Variants in RUFY1 observed in about 807,000 individuals in gnomAD.
RUFY1 encodes the protein RUN and FYVE domain-containing protein 1.
In RUFY1, 54 loss-of-function variants were observed where a neutral mutation model predicts 94.6. The observed-to-expected ratio is 0.57, with a 90% CI of 0.46 to 0.72. The LOEUF is 0.72. Among genes scored for constraint, RUFY1 ranks in the 30% least tolerant of loss-of-function variants. RUFY1 has a pLI of 0.00. For synonymous variants in RUFY1, 396 were observed against 347.3 expected (o/e 1.14, Z -1.56); for missense variants, 883 against 883.9 (o/e 1.00, Z 0.01).
At chr5:179,561,103 C>G (rs899383970) in intron 2 of RUFY1, among the ~76,000 whole-genome samples, 2 of 152,010 alleles carry the variant, frequency 1.3e-5, no homozygotes, top group African/African-American at 2.4e-5. Context: ...CCCAGCTACT[C>G]GAGTGGCTGA....
At chr5:179,607,465 CAG>C in intron 16 of RUFY1, 115 bp from the exon 17 acceptor site, 1 of 809,050 alleles carries the variant, frequency 1.2e-6, no homozygotes, top group Non-Finnish European at 2.1e-6. Flanking sequence ...GATGGAGAAA[CAG>C]TGCCTCACTA....
chr5:179,593,937 C>G lies in RUFY1; in HGVS notation c.1413+292C>G, dbSNP rs1461394678. ...CCCAAACTTTGTCCATCCACCTTCA[C>G]TGTCCCTCCACTGTCTGTTTTCTTC... On this transcript the variant is annotated intron_variant, in intron 11 of 17. Coordinates refer to ENST00000319449, the MANE Select transcript of RUFY1 (RefSeq NM_025158.5). Among the ~76,000 whole-genome samples the G allele has an allele frequency of 3.3e-5, 5 of 152,172 alleles. No homozygotes were observed. The East Asian group carries it at 7.7e-4, about 23-fold the overall frequency.
rs372873984 is a variant in RUFY1, at chr5:179,609,548, G to A, written c.*29G>A. 110 of 1,571,500 alleles carry A rather than the reference G, an allele frequency of 7.0e-5. No homozygotes were observed. Among genetic ancestry groups the A allele is most frequent in the Non-Finnish European group, 8.1e-5 (94 of 1,163,422 alleles). On this transcript the variant is annotated 3_prime_UTR_variant, in exon 18 of 18. Coordinates refer to ENST00000319449, the MANE Select transcript of RUFY1 (RefSeq NM_025158.5). ...TCCGTCCTCAGGAGCACAGCCTCAC[G>A]GACAGTGCCAAACCCTGTGGGTCTC...
At chr5:179,559,026 T>C (rs1191546285) in intron 1 of RUFY1, among the ~76,000 whole-genome samples, 1 of 152,218 alleles carries the variant, frequency 6.6e-6, no homozygotes, top group African/African-American at 2.4e-5. Flanking sequence ...TCAGTAGTAA[T>C]TGGACAGCTG....
rs1762509796 is a variant in RUFY1, at chr5:179,562,178, C to A, written c.485-369C>A. On this transcript the variant is annotated intron_variant, in intron 2 of 17. Coordinates refer to ENST00000319449, the MANE Select transcript of RUFY1 (RefSeq NM_025158.5). ...CCTGTTATCCCAGCACTTTGGGAGG[C>A]CGAGGCGGGCAGATCACAAGGTCAG... 2.6e-5 allele frequency among the ~76,000 whole-genome samples: 4 copies of A among 151,940 alleles called. No homozygotes were observed. In the South Asian group the frequency reaches 6.3e-4, roughly 24 times the overall value.
At chr5:179,559,266 C>T (rs1045187468) in intron 1 of RUFY1, among the ~76,000 whole-genome samples, 1 of 152,222 alleles carries the variant, frequency 6.6e-6, no homozygotes, top group African/African-American at 2.4e-5. Context: ...TGCACACAGT[C>T]TTTATTACAC....
rs1376390912 is a variant in RUFY1 at position 179,609,427 on chromosome 5, G to A, written c.2035G>A (p.Glu679Lys). 7 of 1,613,084 alleles carry A rather than the reference G, an allele frequency of 4.3e-6. No homozygotes were observed. Among genetic ancestry groups the A allele is most frequent in the African/African-American group, 2.7e-5 (2 of 74,854 alleles). ...CTTCTGCAACACCTGCTCCAGCAACGAGCTGGCCCTGCCCTCCTACCCCAA... is the reference window on the plus strand; with the variant it reads ...CTTCTGCAACACCTGCTCCAGCAACAAGCTGGCCCTGCCCTCCTACCCCAA... Reference protein sequence around the residue: ...HIFCNTCSSNELALPSYPKPV... With the variant: ...HIFCNTCSSNKLALPSYPKPV... Residue 679 changes from glutamate (E) to lysine (K), a missense_variant, in exon 18 of 18, where the codon GAG (glutamate) becomes AAG (lysine). Transcript: ENST00000319449.
In RUFY1 at chr5:179,609,489, C is replaced by T. The variant is rs752054394; in HGVS notation, c.2097C>T (p.Leu699=). 3.1e-6 allele frequency: 5 copies of T among 1,609,756 alleles called. No homozygotes were observed. Among genetic ancestry groups the T allele is most frequent in the Non-Finnish European group, 4.2e-6 (5 of 1,179,642 alleles). Residue 699 remains leucine, a synonymous_variant, in exon 18 of 18, where the codon CTC becomes CTT. Coordinates refer to ENST00000319449, the MANE Select transcript of RUFY1 (RefSeq NM_025158.5). ...VRVCDSCHTL[L]LQRCSSTAS Reference sequence around the variant, plus strand: ...TGTGCGACAGCTGCCACACCCTGCTCCTGCAGCGCTGCTCCTCCACGGCCT... The same window carrying T: ...TGTGCGACAGCTGCCACACCCTGCTTCTGCAGCGCTGCTCCTCCACGGCCT...
intron 1 of RUFY1, among the ~76,000 whole-genome samples, chr5:179,555,253 T>C (rs1762052985): frequency 6.6e-6 from 1 of 152,096 alleles, no homozygotes; most frequent in Admixed American, 6.5e-5. Flanking sequence ...CGAGAGAGGA[T>C]TGCTTGAGCC....
intron 1 of RUFY1, among the ~76,000 whole-genome samples, chr5:179,552,199 A>G (rs1761899587): frequency 7.0e-6 from 1 of 143,486 alleles, no homozygotes; most frequent in African/African-American, 2.6e-5. Context: ...TTGTTCCTCG[A>G]TTACAGCGGC....
chr5:179,550,782 C>G lies in RUFY1; in HGVS notation c.213C>G (p.Arg71=). ...CGGCGCCCATCCTGACCCTGGCACG[C>G]AGGGCCACCGGGAACCTGTCGGCGA... ...GWSAPILTLA[R]RATGNLSASC... Residue 71 remains arginine (R), a synonymous_variant, in exon 1 of 18, where the codon CGC becomes CGG. Coordinates refer to ENST00000319449, the MANE Select transcript of RUFY1 (RefSeq NM_025158.5). 7.2e-7 allele frequency: 1 copy of G among 1,383,692 alleles called. No individual in the cohort carries two copies. The allele number at this position is 1,383,692 out of a possible 1,614,324, so 85.7% of individuals were successfully genotyped here.
chr5:179,561,171 A>G (rs1223446546), intron 2 of RUFY1, among the ~76,000 whole-genome samples: 4 of 152,136 alleles, frequency 2.6e-5, no homozygotes, highest in African/African-American at 7.2e-5. Flanking sequence ...AGATTGCACC[A>G]TTGCACTCCA....
chr5:179,595,615 G>A (rs184152494), intron 12 of RUFY1, among the ~76,000 whole-genome samples: 10 of 151,054 alleles, frequency 6.6e-5, no homozygotes, highest in Admixed American at 4.6e-4. Context: ...GCAATGGTGC[G>A]ATCTCAGCTC....
At chr5:179,560,569 A>G (rs1456059264) in intron 2 of RUFY1, among the ~76,000 whole-genome samples, 1 of 148,316 alleles carries the variant, frequency 6.7e-6, no homozygotes, top group African/African-American at 2.4e-5. Flanking sequence ...AAAAAAAAAT[A>G]CAAAAAATTA....
At chr5:179,594,714 T>C in intron 11 of RUFY1, 152 bp from the exon 12 acceptor site, 1 of 479,612 alleles carries the variant, frequency 2.1e-6, no homozygotes, top group South Asian at 2.4e-5. Context: ...TGAGCCAAGA[T>C]CACGCCACTG....
intron 1 of RUFY1, among the ~76,000 whole-genome samples, chr5:179,555,082 G>T (rs1328732201): frequency 6.6e-6 from 1 of 152,182 alleles, no homozygotes; most frequent in Non-Finnish European, 1.5e-5. Flanking sequence ...AACACTGGCT[G>T]TTTTCACGCA....
intron 14 of RUFY1, chr5:179,599,523 C>G (rs1766094575): frequency 6.6e-6 from 1 of 152,528 alleles, no homozygotes; most frequent in South Asian, 2.1e-4. Context: ...GGAGGCATGG[C>G]CTGGATGCTG....
chr5:179,560,289 C>A lies in RUFY1; in HGVS notation c.484+91C>A, dbSNP rs1204610774. ...TCAGCGCCAGACATCCTTCTAGATG[C>A]TGAAATGCCAGCAGTGTACAGAACA... On this transcript the variant is annotated intron_variant, in intron 2 of 17. Transcript: ENST00000319449. 1.4e-5 allele frequency: 20 copies of A among 1,463,032 alleles called. No homozygotes were observed. In the East Asian group the frequency reaches 4.9e-4, roughly 35 times the overall value. The allele number at this position is 1,463,032 out of a possible 1,614,324, so 90.6% of individuals were successfully genotyped here. A position where few individuals can be genotyped will look rare whatever the true frequency, so the allele number is the denominator to read the frequency against.
At chr5:179,598,630 G>C in intron 13 of RUFY1, 62 bp from the exon 14 acceptor site, 1 of 1,598,948 alleles carries the variant, frequency 6.3e-7, no homozygotes, top group Non-Finnish European at 8.6e-7. Flanking sequence ...GGTGAATTGG[G>C]TTGTGAATCT....
Sources: allele counts gnomAD v4.1 joint callset (sites outside exome capture counted in the v4.1 genomes callset), GRCh38; gene constraint gnomAD v4.1.1; transcripts MANE v1.5; gene names NCBI Gene and HGNC (gene_info 2026-07-23, HGNC 2026-07-21).